The following LGALS3BP variants were observed in gnomAD, a reference collection of about 807,000 sequenced individuals.
The protein encoded by LGALS3BP is galectin 3 binding protein.
LGALS3BP carries 25 observed loss-of-function variants against 22.9 expected under a neutral mutation model. That is an observed-to-expected ratio of 1.09 (90% confidence interval 0.80 to 1.53). The LOEUF (loss-of-function observed/expected upper bound fraction) is 1.53. Ranked by LOEUF, LGALS3BP falls within the 40% of genes most tolerant of loss-of-function variation. The pLI, the probability that LGALS3BP is intolerant of heterozygous loss-of-function variation, is 0.00. For synonymous variants in LGALS3BP, 335 were observed against 331.1 expected (o/e 1.01, Z -0.13); for missense variants, 718 against 752.0 (o/e 0.95, Z 0.53).
At position 78,976,784 on chromosome 17, in the gene LGALS3BP, T is replaced by C. The variant is rs142939022; in HGVS notation, c.52+356A>G. ...TTCCAGGGGCTCACAGTGTAAAGAATGTGAGGAAAAGCAGCCAGGACCCTC... is the reference window on the plus strand; with the variant it reads ...TTCCAGGGGCTCACAGTGTAAAGAACGTGAGGAAAAGCAGCCAGGACCCTC... On this transcript the variant is annotated intron_variant, in intron 2 of 5. Transcript: ENST00000262776. The surrounding 1 kb of genome is among the most constrained non-coding windows in gnomAD (Gnocchi z 4.6). The C allele has an allele frequency of 1.1e-5, 3 of 285,704 alleles. No individual in the cohort carries two copies. The highest frequency in any genetic ancestry group is 2.3e-5 in the African/African-American group (1 of 44,378). 17.7% of individuals were successfully genotyped at this position (285,704 alleles called of 1,614,324 possible).
chr17:78,974,899 C>T, intron 3 of LGALS3BP, 80 bp from the exon 4 acceptor site: 4 of 1,560,058 alleles, frequency 2.6e-6, no homozygotes, highest in South Asian at 1.2e-5. Flanking sequence ...GCCCTTTGTT[C>T]TCCGCCCCGG....
Position 78,976,042 on chromosome 17 carries a change from G to A in LGALS3BP, c.167C>T (p.Thr56Ile), listed in dbSNP as rs2070717442. 6.2e-7 allele frequency: 1 copy of A among 1,612,792 alleles called. No homozygotes were observed. The highest frequency in any genetic ancestry group is 1.1e-5 in the South Asian group (1 of 90,940). The change falls in exon 3 of 6, where the codon ACT becomes ATT. Residue 56 changes from threonine (T) to isoleucine (I), a missense_variant. Coordinates refer to ENST00000262776, the MANE Select transcript of LGALS3BP (RefSeq NM_005567.4). This position sits in a 1 kb window ranked among gnomAD's most constrained non-coding sequence, Gnocchi z 4.6. ...GGCCCGGCAGACGACGCTGGCATCA[G>A]TCAGGTCCCACAGGTTGTCACACAC... ...GTVCDNLWDL[T>I]DASVVCRALG...
Position 78,973,072 on chromosome 17 carries a change from A to T in LGALS3BP, c.527T>A (p.Leu176Gln). 1 of 1,613,878 alleles carries T rather than the reference A, an allele frequency of 6.2e-7. No homozygotes were observed. Among genetic ancestry groups the T allele is most frequent in the South Asian group, 1.1e-5 (1 of 91,086 alleles). The change falls in exon 5 of 6, where the codon CTG becomes CAG. Residue 176 changes from leucine to glutamine, a missense_variant. Coordinates refer to ENST00000262776, the MANE Select transcript of LGALS3BP (RefSeq NM_005567.4). This position sits in a 1 kb window ranked among gnomAD's most constrained non-coding sequence, Gnocchi z 5.8. ...ALGFCGHTVILTANLEAQALW... is the reference protein window; with the variant it reads ...ALGFCGHTVIQTANLEAQALW... The stretch of plus-strand genomic sequence containing the variant: ...GGCCTGGGCCTCCAGGTTGGCAGTC[A>T]GGATGACCGTGTGGCCACAGAAGCC...
Position 78,973,179 on chromosome 17 carries a change from C to T in LGALS3BP, c.420G>A (p.Ser140=), listed in dbSNP as rs79400297. 1.2e-4 allele frequency: 191 copies of T among 1,597,098 alleles called. 1 individual carries two copies. The East Asian group carries it at 3.6e-3, about 30-fold the overall frequency. Residue 140 remains serine (S), a synonymous_variant, in exon 5 of 6, where the codon TCG becomes TCA. Transcript: ENST00000262776. This position sits in a 1 kb window ranked among gnomAD's most constrained non-coding sequence, Gnocchi z 5.8. ...THTLDLSREL[S]EALGQIFDSQ... is the part of the protein sequence containing the mutation. ...TGTCAAAGATCTGGCCAAGGGCCTC[C>T]GAGAGCTCCCTGGAGAGGTCCAGGG... is the stretch of plus-strand genomic sequence containing the variant.
At chr17:78,974,925 T>C in intron 3 of LGALS3BP, 106 bp from the exon 4 acceptor site, 1 of 1,411,332 alleles carries the variant, frequency 7.1e-7, no homozygotes, top group Non-Finnish European at 9.6e-7. Context: ...TGGGTCCATC[T>C]GCTTACAGGT....
In LGALS3BP at chr17:78,971,426, T is replaced by C; in HGVS notation, c.*150A>G. The C allele has an allele frequency of 2.9e-6, 2 of 692,798 alleles. No individual in the cohort carries two copies. Among genetic ancestry groups the C allele is most frequent in the Non-Finnish European group, 4.7e-6 (2 of 423,266 alleles). The allele number at this position is 692,798 out of a possible 1,614,324, so 42.9% of individuals were successfully genotyped here. A position where few individuals can be genotyped will look rare whatever the true frequency, so the allele number is the denominator to read the frequency against. On this transcript the variant is annotated 3_prime_UTR_variant, in exon 6 of 6. Transcript: ENST00000262776. The surrounding 1 kb of genome is among the most constrained non-coding windows in gnomAD (Gnocchi z 5.6). Reference sequence around the variant, plus strand: ...GACCCTAGTGGAAGCCTTCCAGTAATTTCTTGAAGCTGAGCGCTCAGGTGA... The same window carrying C: ...GACCCTAGTGGAAGCCTTCCAGTAACTTCTTGAAGCTGAGCGCTCAGGTGA...
In LGALS3BP at chr17:78,972,392, C is replaced by G; in HGVS notation, c.942G>C (p.Ala314=). 1 of 1,613,472 alleles carries G rather than the reference C, an allele frequency of 6.2e-7. No homozygotes were observed. Among genetic ancestry groups the G allele is most frequent in the Non-Finnish European group, 8.5e-7 (1 of 1,180,022 alleles). ...TCAGTAGGGCCAGCTCGCTGGGCAC[C>G]GCCAGGTCGCTCCTGGGCAGCAGCA... ...LQLLLPRSDL[A]VPSELALLKA... The change falls in exon 6 of 6, where the codon GCG becomes GCC. Residue 314 remains alanine (A), a synonymous_variant. Coordinates refer to ENST00000262776, the MANE Select transcript of LGALS3BP (RefSeq NM_005567.4). The surrounding 1 kb of genome is among the most constrained non-coding windows in gnomAD (Gnocchi z 5.1).
In LGALS3BP at chr17:78,976,336, C is replaced by A. The variant is rs538254729; in HGVS notation, c.53-180G>T. 6.6e-6 allele frequency among the ~76,000 whole-genome samples: 1 copy of A among 152,270 alleles called. No homozygotes were observed. The highest frequency in any genetic ancestry group is 2.4e-5 in the African/African-American group (1 of 41,530). On this transcript the variant is annotated intron_variant, in intron 2 of 5. Transcript: ENST00000262776. This position sits in a 1 kb window ranked among gnomAD's most constrained non-coding sequence, Gnocchi z 4.6. ...GGAGGAGTGGAAGATACATACAGCC[C>A]CCCCTACCCCGCAAGGAGGCCAAAC...
chr17:78,971,551 T>C lies in LGALS3BP; in HGVS notation c.*25A>G, dbSNP rs1175232231. 3 of 1,595,368 alleles carry C rather than the reference T, an allele frequency of 1.9e-6. No individual in the cohort carries two copies. In the South Asian group the frequency reaches 3.3e-5, roughly 18 times the overall value. ...TGAGGGCGTCCTGGGGTTCTCCGGT[T>C]CTCACCACCCTTGGGCCACGCCGTC... On this transcript the variant is annotated 3_prime_UTR_variant, in exon 6 of 6. Transcript: ENST00000262776. This position sits in a 1 kb window ranked among gnomAD's most constrained non-coding sequence, Gnocchi z 5.6.
chr17:78,973,274 A>C lies in LGALS3BP; in HGVS notation c.377-52T>G. ...CTGCGTTAGGAGCCGGGGCACTGCC[A>C]CTCTCTGGGGTCAGTGTCTTCATCT... is the stretch of plus-strand genomic sequence containing the variant. On this transcript the variant is annotated intron_variant, in intron 4 of 5. Transcript: ENST00000262776. This position sits in a 1 kb window ranked among gnomAD's most constrained non-coding sequence, Gnocchi z 5.8. 2 of 1,450,212 alleles carry C rather than the reference A, an allele frequency of 1.4e-6. No homozygotes were observed. The highest frequency in any genetic ancestry group is 1.8e-6 in the Non-Finnish European group (2 of 1,101,724). The allele number at this position is 1,450,212 out of a possible 1,614,324, so 89.8% of individuals were successfully genotyped here. A position where few individuals can be genotyped will look rare whatever the true frequency, so the allele number is the denominator to read the frequency against.
chr17:78,971,632 C>T lies in LGALS3BP; in HGVS notation c.1702G>A (p.Gly568Ser), dbSNP rs141404373. Residue 568 changes from glycine (G) to serine (S), a missense_variant, in exon 6 of 6, where the codon GGC (glycine) becomes AGC (serine). Coordinates refer to ENST00000262776, the MANE Select transcript of LGALS3BP (RefSeq NM_005567.4). This position sits in a 1 kb window ranked among gnomAD's most constrained non-coding sequence, Gnocchi z 5.6. ...AAGGGGCGGATGACCGTGCGGAAGCCGTTGAAGTGCCCTGCCGGGCAGGGG... is the reference window on the plus strand; with the variant it reads ...AAGGGGCGGATGACCGTGCGGAAGCTGTTGAAGTGCCCTGCCGGGCAGGGG... ...SFPCPAGHFN[G>S]FRTVIRPFYL... 3.0e-4 allele frequency: 487 copies of T among 1,613,780 alleles called. 8 individuals are homozygous for T. The East Asian group carries it at 0.011, about 35-fold the overall frequency.
chr17:78,975,018 G>A, intron 3 of LGALS3BP, 199 bp from the exon 4 acceptor site: 1 of 638,804 alleles, frequency 1.6e-6, no homozygotes, highest in East Asian at 2.8e-5. Context: ...TAGCCTTCAT[G>A]CTTATAAAGC....
In LGALS3BP at chr17:78,977,180, C is replaced by G. The variant is rs199499582; in HGVS notation, c.12G>C (p.Pro4=). 6.2e-7 allele frequency: 1 copy of G among 1,613,236 alleles called. No individual in the cohort carries two copies. The highest frequency in any genetic ancestry group is 8.5e-7 in the Non-Finnish European group (1 of 1,179,984). The change falls in exon 2 of 6, where the codon CCG becomes CCC. Residue 4 remains proline, a synonymous_variant. Coordinates refer to ENST00000262776, the MANE Select transcript of LGALS3BP (RefSeq NM_005567.4). MTP[P]RLFWVWLLVA... ...CCAGCAGCCACACCCAGAAGAGCCTCGGAGGGGTCATGGCCGTGCCTGGAT... is the reference window on the plus strand; with the variant it reads ...CCAGCAGCCACACCCAGAAGAGCCTGGGAGGGGTCATGGCCGTGCCTGGAT...
intron 1 of LGALS3BP, among the ~76,000 whole-genome samples, chr17:78,978,612 T>C (rs751420616): frequency 6.6e-6 from 1 of 152,202 alleles, no homozygotes; most frequent in Non-Finnish European, 1.5e-5. Flanking sequence ...GGGACTGTGC[T>C]GGTTTTAGCA....
rs57860634 is a variant in LGALS3BP, at chr17:78,979,004, G to A, written c.-24+820C>T. Among the ~76,000 whole-genome samples, 1,512 of 152,154 alleles carry A rather than the reference G, an allele frequency of 9.9e-3. 36 individuals are homozygous for A. Among genetic ancestry groups the A allele is most frequent in the African/African-American group, 0.034 (1,397 of 41,482 alleles). On this transcript the variant is annotated intron_variant, in intron 1 of 5. Coordinates refer to ENST00000262776, the MANE Select transcript of LGALS3BP (RefSeq NM_005567.4). ...GCAACAGAATTGCTTGAATCCGGCA[G>A]GCAGAGATTGTAGTGAGCCGCTGCA...
chr17:78,976,159 G>A lies in LGALS3BP; in HGVS notation c.53-3C>T. 1 of 1,568,814 alleles carries A rather than the reference G, an allele frequency of 6.4e-7. No individual in the cohort carries two copies. Among genetic ancestry groups the A allele is most frequent in the Non-Finnish European group, 8.6e-7 (1 of 1,157,334 alleles). ...CCGCATGTCACCATCGTTCACGCCT[G>A]CAGGCAGAGACCAGCGAGGGCGAGG... On this transcript the variant is annotated splice_region_variant and splice_polypyrimidine_tract_variant and intron_variant, in intron 2 of 5. Transcript: ENST00000262776. This position sits in a 1 kb window ranked among gnomAD's most constrained non-coding sequence, Gnocchi z 4.6.
At chr17:78,974,930 A>G (rs1279251538) in intron 3 of LGALS3BP, 111 bp from the exon 4 acceptor site, 6 of 1,389,406 alleles carry the variant, frequency 4.3e-6, no homozygotes, top group Non-Finnish European at 5.8e-6. Flanking sequence ...CCATCTGCTT[A>G]CAGGTCCTTC....
At chr17:78,977,450 T>G (rs1336021888) in intron 1 of LGALS3BP, 2 of 475,526 alleles carry the variant, frequency 4.2e-6, no homozygotes, top group East Asian at 7.4e-5. Flanking sequence ...CTTGGCTAGA[T>G]GAAGCGTGGG....
In LGALS3BP at chr17:78,973,234, C is replaced by T. The variant is rs762231663; in HGVS notation, c.377-12G>A. 12 of 1,509,446 alleles carry T rather than the reference C, an allele frequency of 7.9e-6. No individual in the cohort carries two copies. The highest frequency in any genetic ancestry group is 3.7e-5 in the South Asian group (3 of 82,020). The allele number at this position is 1,509,446 out of a possible 1,614,324, so 93.5% of individuals were successfully genotyped here. On this transcript the variant is annotated splice_polypyrimidine_tract_variant and intron_variant, in intron 4 of 5. Coordinates refer to ENST00000262776, the MANE Select transcript of LGALS3BP (RefSeq NM_005567.4). The surrounding 1 kb of genome is among the most constrained non-coding windows in gnomAD (Gnocchi z 5.8). ...GGTGCTCCTGGTTTCTAAGAAGGGG[C>T]GGGAGGGAAGTGGGCTGCGTTAGGA...
Sources: gnomAD v4.1 joint callset for allele counts (sites outside exome capture counted in the v4.1 genomes callset) on GRCh38, gnomAD v4.1.1 for gene constraint, Gnocchi (gnomAD v3.1) non-coding constraint, MANE v1.5 for transcripts, NCBI Gene and HGNC (gene_info 2026-07-23, HGNC 2026-07-21) for gene names.